Variants in CACNG5 observed in about 807,000 individuals in gnomAD.
CACNG5 encodes voltage-dependent calcium channel gamma-5 subunit.
CACNG5 carries 18 observed loss-of-function variants against 24.8 expected under a neutral mutation model. The observed-to-expected ratio is 0.73, with a 90% CI of 0.50 to 1.08. The LOEUF (loss-of-function observed/expected upper bound fraction) is 1.08, where lower values mean the gene tolerates loss of function less well. Among genes scored for constraint, CACNG5 ranks in the 50% least tolerant of loss-of-function variants. The probability of loss-of-function intolerance (pLI) is 0.00; values close to 1 mark genes in which losing one functional copy is unlikely to be tolerated. For synonymous variants in CACNG5, 157 were observed against 149.1 expected (o/e 1.05, Z -0.39); for missense variants, 349 against 367.9 (o/e 0.95, Z 0.42).
chr17:66,837,876 C>T (rs886924123), intron 1 of CACNG5, among the ~76,000 whole-genome samples: 11 of 150,440 alleles, frequency 7.3e-5, no homozygotes, highest in South Asian at 4.2e-4. Context: ...AGGCTTGGGG[C>T]GAGGGGGAAG....
At position 66,886,924 on chromosome 17, in the gene CACNG5, G is replaced by A. The variant is rs567364930; in HGVS notation, c.*1684G>A. On this transcript the variant is annotated 3_prime_UTR_variant, in exon 6 of 6. Transcript: ENST00000533854. ...GTGTCCTCATGTGGTCTGTGTGCCC[G>A]TGTCCCTGGTGTCCCTCAGTGTGTC... Among the ~76,000 whole-genome samples, 5 of 152,280 alleles carry A rather than the reference G, an allele frequency of 3.3e-5. No homozygotes were observed. In the South Asian group the frequency reaches 6.2e-4, roughly 19 times the overall value.
chr17:66,843,881 G>A (rs948709437), intron 1 of CACNG5, among the ~76,000 whole-genome samples: 4 of 151,682 alleles, frequency 2.6e-5, no homozygotes, highest in Non-Finnish European at 2.9e-5. Context: ...AAGCAAAAGA[G>A]TACAAGCTGC....
At chr17:66,862,982 G>T (rs1307209416) in intron 1 of CACNG5, among the ~76,000 whole-genome samples, 1 of 150,986 alleles carries the variant, frequency 6.6e-6, no homozygotes, top group African/African-American at 2.4e-5. Flanking sequence ...GGTGGATATT[G>T]TATGTTTGTT....
At chr17:66,883,127 G>A (rs544215029) in intron 4 of CACNG5, among the ~76,000 whole-genome samples, 122 of 152,228 alleles carry the variant, frequency 8.0e-4, no homozygotes, top group African/African-American at 2.9e-3. Context: ...TATTTATTGA[G>A]CACCAGGAAT....
chr17:66,844,366 T>G (rs1976608400), intron 1 of CACNG5, among the ~76,000 whole-genome samples: 1 of 152,186 alleles, frequency 6.6e-6, no homozygotes, highest in Non-Finnish European at 1.5e-5. Context: ...CCATGTGGCC[T>G]TAGGTGAGTC....
In CACNG5 at chr17:66,877,477, G is replaced by A. The variant is rs779252896; in HGVS notation, c.145G>A (p.Glu49Lys). 80 of 1,613,900 alleles carry A rather than the reference G, an allele frequency of 5.0e-5. No homozygotes were observed. The highest frequency in any genetic ancestry group is 1.3e-4 in the East Asian group (6 of 44,872). The change falls in exon 2 of 6, where the codon GAG becomes AAG. Residue 49 changes from glutamate to lysine, a missense_variant. By Grantham distance (56) the Glu-to-Lys change is moderately conservative. Transcript: ENST00000533854. ...GVIVPQNQST[E>K]IKMSLHSGLW... is the part of the protein sequence containing the mutation. ...GATTGTGCCCCAGAACCAGAGCACCGAGATCAAGATGTCCCTGCACTCAGG... is the reference window on the plus strand; with the variant it reads ...GATTGTGCCCCAGAACCAGAGCACCAAGATCAAGATGTCCCTGCACTCAGG...
At chr17:66,875,937 C>G (rs1257528374) in intron 1 of CACNG5, among the ~76,000 whole-genome samples, 1 of 152,236 alleles carries the variant, frequency 6.6e-6, no homozygotes. Context: ...ATGACCCCTT[C>G]TGGGCCCTTG....
intron 1 of CACNG5, among the ~76,000 whole-genome samples, chr17:66,874,142 TA>T (rs1977045726): frequency 6.6e-6 from 1 of 152,130 alleles, no homozygotes; most frequent in Admixed American, 6.6e-5. Flanking sequence ...GCAAGCTTCT[TA>T]ACCTCACTGA....
chr17:66,876,202 C>T (rs1027448199), intron 1 of CACNG5, among the ~76,000 whole-genome samples: 1 of 152,208 alleles, frequency 6.6e-6, no homozygotes, highest in African/African-American at 2.4e-5. Context: ...TTTGGCTACA[C>T]ATTAGAATCA....
rs1977273206 is a variant in CACNG5, at chr17:66,887,184, G to T, written c.*1944G>T. ...CCATTTGTCTCACAGCAGGGTGGAG[G>T]AGAAGGGTAAGAGAAGCCAGTTCTG... On this transcript the variant is annotated 3_prime_UTR_variant, in exon 6 of 6. Coordinates refer to ENST00000533854, the MANE Select transcript of CACNG5 (RefSeq NM_145811.3). 6.6e-6 allele frequency among the ~76,000 whole-genome samples: 1 copy of T among 152,136 alleles called. No individual in the cohort carries two copies. The highest frequency in any genetic ancestry group is 1.5e-5 in the Non-Finnish European group (1 of 68,036).
rs1035114666 is a variant in CACNG5 at position 66,886,734 on chromosome 17, C to G, written c.*1494C>G. 3.9e-5 allele frequency among the ~76,000 whole-genome samples: 6 copies of G among 152,220 alleles called. No homozygotes were observed. In the East Asian group the frequency reaches 1.2e-3, roughly 29 times the overall value. On this transcript the variant is annotated 3_prime_UTR_variant, in exon 6 of 6. Coordinates refer to ENST00000533854, the MANE Select transcript of CACNG5 (RefSeq NM_145811.3). ...GCGCAGCCTTGGAGAGGCGGTGTGT[C>G]AGGCAGCCGGGCTGCCGCAATGAAC...
At position 66,885,562 on chromosome 17, in the gene CACNG5, T is replaced by C. The variant is rs1977247655; in HGVS notation, c.*322T>C. ...CCAGGAGACACCGATGTTCCCTTTG[T>C]ATATTCTTCCTGCACCCCCCAACTT... is the stretch of plus-strand genomic sequence containing the variant. On this transcript the variant is annotated 3_prime_UTR_variant, in exon 6 of 6. Coordinates refer to ENST00000533854, the MANE Select transcript of CACNG5 (RefSeq NM_145811.3). 2 of 317,228 alleles carry C rather than the reference T, an allele frequency of 6.3e-6. No individual in the cohort carries two copies. The highest frequency in any genetic ancestry group is 7.5e-5 in the South Asian group (1 of 13,392). The allele number at this position is 317,228 out of a possible 1,614,324, so 19.7% of individuals were successfully genotyped here.
intron 1 of CACNG5, among the ~76,000 whole-genome samples, chr17:66,858,894 A>C (rs1490327380): frequency 2.0e-5 from 3 of 152,186 alleles, no homozygotes; most frequent in Non-Finnish European, 4.4e-5. Context: ...AATACCTTGA[A>C]TTCATCACTC....
At chr17:66,846,808 G>A (rs890147800) in intron 1 of CACNG5, among the ~76,000 whole-genome samples, 5 of 152,124 alleles carry the variant, frequency 3.3e-5, no homozygotes, top group South Asian at 4.1e-4. Context: ...TGGATCATCC[G>A]GTAACTCTGT....
rs1341152387 is a variant in CACNG5, at chr17:66,889,321, C to T, written c.*4081C>T. Among the ~76,000 whole-genome samples, 1 of 152,112 alleles carries T rather than the reference C, an allele frequency of 6.6e-6. No individual in the cohort carries two copies. The highest frequency in any genetic ancestry group is 1.5e-5 in the Non-Finnish European group (1 of 68,026). ...ATGTCCTCCCAGCCCCACCAGTGAC[C>T]TTCAGAAGAATCCTGTGTTACCAGG... On this transcript the variant is annotated 3_prime_UTR_variant, in exon 6 of 6. Transcript: ENST00000533854.
intron 4 of CACNG5, among the ~76,000 whole-genome samples, chr17:66,882,029 A>C (rs1977165235): frequency 6.6e-6 from 1 of 152,076 alleles, no homozygotes; most frequent in South Asian, 2.1e-4. Context: ...TTTTCGAATG[A>C]CCATGCTGGG....
At position 66,885,276 on chromosome 17, in the gene CACNG5, C is replaced by G; in HGVS notation, c.*36C>G. The G allele has an allele frequency of 6.5e-7, 1 of 1,536,836 alleles. No individual in the cohort carries two copies. Among genetic ancestry groups the G allele is most frequent in the Non-Finnish European group, 8.7e-7 (1 of 1,148,498 alleles). ...CCCCCATCCCTGGACTGTGGGTGGCCAGACAACCCTTCCTGTTCTCTCCAG... is the reference window on the plus strand; with the variant it reads ...CCCCCATCCCTGGACTGTGGGTGGCGAGACAACCCTTCCTGTTCTCTCCAG... On this transcript the variant is annotated 3_prime_UTR_variant, in exon 6 of 6. Transcript: ENST00000533854.
rs1162424074 is a variant in CACNG5 at position 66,890,848 on chromosome 17, G to T, written c.*5608G>T. Among the ~76,000 whole-genome samples, 4 of 152,206 alleles carry T rather than the reference G, an allele frequency of 2.6e-5. No homozygotes were observed. The highest frequency in any genetic ancestry group is 9.7e-5 in the African/African-American group (4 of 41,444). On this transcript the variant is annotated 3_prime_UTR_variant, in exon 6 of 6. Coordinates refer to ENST00000533854, the MANE Select transcript of CACNG5 (RefSeq NM_145811.3). ...AGTTTTACAAGCAAAATGCAACCAA[G>T]CTCAAGTAGTAGACTCCTCCCAGCC...
chr17:66,887,550 A>G lies in CACNG5; in HGVS notation c.*2310A>G, dbSNP rs9303512. Among the ~76,000 whole-genome samples, 33,570 of 152,190 alleles carry G rather than the reference A, an allele frequency of 0.22. 3,764 individuals are homozygous for G. Among genetic ancestry groups the G allele is most frequent in the Non-Finnish European group, 0.25 (16,865 of 67,974 alleles). ...GTGCTTGGAGACAGATAGCGTTTCC[A>G]AACTGGACAATCATTTAGGTAAGCG... is the stretch of plus-strand genomic sequence containing the variant. On this transcript the variant is annotated 3_prime_UTR_variant, in exon 6 of 6. Coordinates refer to ENST00000533854, the MANE Select transcript of CACNG5 (RefSeq NM_145811.3).
Sources: gnomAD v4.1 joint callset for allele counts (sites outside exome capture counted in the v4.1 genomes callset) on GRCh38, gnomAD v4.1.1 for gene constraint, MANE v1.5 for transcripts, NCBI Gene and HGNC (gene_info 2026-07-23, HGNC 2026-07-21) for gene names.